The following PPM1H variants were observed in gnomAD, a reference collection of about 807,000 sequenced individuals.
PPM1H encodes protein phosphatase, Mg2+/Mn2+ dependent 1H, also known as protein phosphatase 1H.
Under a neutral mutation model 54.9 loss-of-function variants are expected in PPM1H, and 27 were observed. The ratio of observed to expected loss-of-function variants is 0.49; its 90% CI spans 0.36 to 0.68. The LOEUF is 0.68. Ranked by LOEUF, PPM1H falls within the 30% of genes least tolerant of loss-of-function variation. The pLI, the probability that PPM1H is intolerant of heterozygous loss-of-function variation, is 0.00. For missense variants in PPM1H, 596 were observed against 667.8 expected, an observed-to-expected ratio of 0.89 and a Z score of 1.19; for synonymous variants, 305 against 270.8, an observed-to-expected ratio of 1.13 and a Z score of -1.24.
At chr12:62,883,074 T>C (rs1467551850) in intron 1 of PPM1H, among the ~76,000 whole-genome samples, 4 of 152,220 alleles carry the variant, frequency 2.6e-5, no homozygotes, top group African/African-American at 7.2e-5. Flanking sequence ...TGTATACTTC[T>C]TGAGGTCAGA....
intron 1 of PPM1H, among the ~76,000 whole-genome samples, chr12:62,898,037 GC>G (rs1871049887): frequency 6.6e-6 from 1 of 152,302 alleles, no homozygotes; most frequent in South Asian, 2.1e-4. Flanking sequence ...GTCCAGCCCA[GC>G]CCAGCTTGGG....
At chr12:62,678,565 G>A (rs1349583859) in intron 8 of PPM1H, among the ~76,000 whole-genome samples, 1 of 152,204 alleles carries the variant, frequency 6.6e-6, no homozygotes, top group African/African-American at 2.4e-5. Context: ...ATGACACACA[G>A]ATGCACACAA....
At chr12:62,654,115 G>A (rs962339483) in intron 9 of PPM1H, among the ~76,000 whole-genome samples, 16 of 148,250 alleles carry the variant, frequency 1.1e-4, no homozygotes, top group Admixed American at 6.9e-4. Context: ...CATGCCTGTC[G>A]TCCCAGCTAC....
intron 4 of PPM1H, among the ~76,000 whole-genome samples, chr12:62,741,554 C>T (rs1006317732): frequency 1.3e-5 from 2 of 152,328 alleles, no homozygotes; most frequent in African/African-American, 4.8e-5. Flanking sequence ...CTTCTTCCTT[C>T]TCATGGTTAG....
intron 1 of PPM1H, among the ~76,000 whole-genome samples, chr12:62,869,915 A>T (rs1869919844): frequency 6.6e-6 from 1 of 152,126 alleles, no homozygotes; most frequent in South Asian, 2.1e-4. Flanking sequence ...CACTTTTTAC[A>T]GGTTGCCTTA....
At chr12:62,731,968 C>T (rs2076323447) in intron 5 of PPM1H, among the ~76,000 whole-genome samples, 1 of 152,178 alleles carries the variant, frequency 6.6e-6, no homozygotes, top group Admixed American at 6.5e-5. Flanking sequence ...ATCAACCAGA[C>T]ACCCTTCCCT....
At position 62,801,878 on chromosome 12, in the gene PPM1H, C is replaced by T. The variant is rs910984190; in HGVS notation, c.694G>A (p.Glu232Lys). ...AGGCACTCATGGGGAATCTTCTTCT[C>T]GGTAAAGAAGCGTGTGGGGGGCGTG... The part of the protein sequence containing the change: ...PSTPPTRFFT[E>K]KKIPHECLVI... Residue 232 changes from glutamate (E) to lysine (K), a missense_variant, in exon 3 of 10, where the codon GAG (glutamate) becomes AAG (lysine). Glu to Lys is a moderately conservative substitution (Grantham distance 56, BLOSUM62 1). Transcript: ENST00000228705. 16 of 1,613,818 alleles carry T rather than the reference C, an allele frequency of 9.9e-6. No homozygotes were observed. Among genetic ancestry groups the T allele is most frequent in the Non-Finnish European group, 1.4e-5 (16 of 1,179,820 alleles).
In PPM1H at chr12:62,825,216, G is replaced by A. The variant is rs183633490; in HGVS notation, c.411+6898C>T. Among the ~76,000 whole-genome samples, 814 of 152,088 alleles carry A rather than the reference G, an allele frequency of 5.4e-3. 8 individuals are homozygous for A. The highest frequency in any genetic ancestry group is 0.019 in the African/African-American group (777 of 41,510). ...ACCATCTCACACCAGTTAGAGAGGC[G>A]ATTAAAAAGTCAGGAAACAACAGAT... On this transcript the variant is annotated intron_variant, in intron 2 of 9. Transcript: ENST00000228705.
intron 1 of PPM1H, among the ~76,000 whole-genome samples, chr12:62,857,998 C>T (rs1157757537): frequency 1.3e-5 from 2 of 151,942 alleles, no homozygotes; most frequent in Non-Finnish European, 2.9e-5. Flanking sequence ...TATGGCTCCC[C>T]TTTGACCCAT....
intron 2 of PPM1H, among the ~76,000 whole-genome samples, chr12:62,822,453 T>C (rs1425940191): frequency 6.6e-6 from 1 of 152,200 alleles, no homozygotes; most frequent in Non-Finnish European, 1.5e-5. Context: ...CTATACATTC[T>C]TCTCAGCACC....
At chr12:62,827,408 C>G (rs1010759458) in intron 2 of PPM1H, among the ~76,000 whole-genome samples, 1 of 152,156 alleles carries the variant, frequency 6.6e-6, no homozygotes, top group South Asian at 2.1e-4. Flanking sequence ...ATTTCTCACC[C>G]ATATTTCTGC....
chr12:62,840,758 G>A (rs1868715993), intron 1 of PPM1H, among the ~76,000 whole-genome samples: 1 of 152,160 alleles, frequency 6.6e-6, no homozygotes, highest in South Asian at 2.1e-4. Context: ...AAATTTTATA[G>A]GAGCTTTATT....
chr12:62,780,273 T>C (rs945770433), intron 4 of PPM1H, among the ~76,000 whole-genome samples: 1 of 152,220 alleles, frequency 6.6e-6, no homozygotes, highest in Non-Finnish European at 1.5e-5. Flanking sequence ...ATGTGAACCA[T>C]TGATAAGCTG....
intron 8 of PPM1H, among the ~76,000 whole-genome samples, chr12:62,685,015 C>A (rs961504173): frequency 6.6e-6 from 1 of 152,084 alleles, no homozygotes; most frequent in Non-Finnish European, 1.5e-5. Context: ...AACAGTTCCA[C>A]CCCCTCCCCC....
chr12:62,783,709 T>A (rs1485847855), intron 4 of PPM1H, among the ~76,000 whole-genome samples: 1 of 152,262 alleles, frequency 6.6e-6, no homozygotes, highest in Admixed American at 6.5e-5. Flanking sequence ...TGCCTTGCAC[T>A]TATTAGCTAT....
At chr12:62,653,051 A>AT (rs1183108755) in intron 9 of PPM1H, among the ~76,000 whole-genome samples, 31 of 152,298 alleles carry the variant, frequency 2.0e-4, no homozygotes, top group African/African-American at 7.5e-4. Context: ...GTTTGAAGAC[A>AT]TTATTCTGCT....
rs944577136 is a variant in PPM1H at position 62,697,077 on chromosome 12, G to T, written c.1074-3078C>A. 2.0e-5 allele frequency among the ~76,000 whole-genome samples: 3 copies of T among 152,168 alleles called. No homozygotes were observed. The South Asian group carries it at 6.2e-4, about 32-fold the overall frequency. ...TTGTACAAAACTAGTGGCTACTACG[G>T]TACTGGGTCTACAGAGAAGAAGAGA... On this transcript the variant is annotated intron_variant, in intron 6 of 9. Coordinates refer to ENST00000228705, the MANE Select transcript of PPM1H (RefSeq NM_020700.2).
At chr12:62,707,562 C>T (rs971019686) in intron 6 of PPM1H, among the ~76,000 whole-genome samples, 4 of 152,198 alleles carry the variant, frequency 2.6e-5, no homozygotes, top group African/African-American at 7.2e-5. Context: ...ATACAGCAAT[C>T]GCCTGGGGTG....
At position 62,647,678 on chromosome 12, in the gene PPM1H, C is replaced by CTGAT. The variant is rs1409863950; in HGVS notation, c.*807_*810dup. 2.0e-5 allele frequency: 3 copies of CTGAT among 152,294 alleles called. No homozygotes were observed. Among genetic ancestry groups the CTGAT allele is most frequent in the African/African-American group, 7.2e-5 (3 of 41,438 alleles). The allele number at this position is 152,294 out of a possible 1,614,324, so 9.4% of individuals were successfully genotyped here. ...AAACACTCAGTTTCATGAAAACACACTGATTCGGTTAGAAAATGCAACTTG... is the reference window on the plus strand; with the variant it reads ...AAACACTCAGTTTCATGAAAACACACTGATTGATTCGGTTAGAAAATGCAACTTG... On this transcript the variant is annotated 3_prime_UTR_variant, in exon 10 of 10. Transcript: ENST00000228705.
Sources: allele counts gnomAD v4.1 joint callset (sites outside exome capture counted in the v4.1 genomes callset), GRCh38; gene constraint gnomAD v4.1.1; transcripts MANE v1.5; gene names NCBI Gene and HGNC (gene_info 2026-07-23, HGNC 2026-07-21).